The following NELL2 variants were observed in gnomAD, a reference collection of about 807,000 sequenced individuals.
The protein encoded by NELL2 is neural EGFL like 2, also known as protein kinase C-binding protein NELL2.
Under a neutral mutation model 109.6 loss-of-function variants are expected in NELL2, and 41 were observed. The ratio of observed to expected loss-of-function variants is 0.37; its 90% confidence interval spans 0.29 to 0.49. The LOEUF is 0.49. Among genes scored for constraint, NELL2 ranks in the 20% least tolerant of loss-of-function variants. The probability of loss-of-function intolerance (pLI) is 0.98; values close to 1 mark genes in which losing one functional copy is unlikely to be tolerated. For synonymous variants in NELL2, 355 were observed against 344.7 expected, an observed-to-expected ratio of 1.03 and a Z score of -0.33; for missense variants, 900 against 1,008.3, an observed-to-expected ratio of 0.89 and a Z score of 1.45.
At chr12:44,568,758 C>T (rs923809685) in intron 15 of NELL2, among the ~76,000 whole-genome samples, 1 of 151,844 alleles carries the variant, frequency 6.6e-6, no homozygotes, top group Admixed American at 6.6e-5. Context: ...ATATACATTA[C>T]ACATATACAT....
chr12:44,632,119 A>T (rs946958853), intron 13 of NELL2, among the ~76,000 whole-genome samples: 33 of 152,238 alleles, frequency 2.2e-4, no homozygotes, highest in African/African-American at 7.9e-4. Flanking sequence ...ACTAAAATTC[A>T]TTATCCATTC....
chr12:44,592,494 G>C (rs917972801), intron 15 of NELL2, among the ~76,000 whole-genome samples: 1 of 152,122 alleles, frequency 6.6e-6, no homozygotes, highest in Non-Finnish European at 1.5e-5. Flanking sequence ...TAGTTAGGTA[G>C]ATAGACAGAC....
intron 13 of NELL2, among the ~76,000 whole-genome samples, chr12:44,620,203 A>G (rs17650849): frequency 0.068 from 10,312 of 151,878 alleles, 498 homozygotes; most frequent in Non-Finnish European, 0.1. Context: ...TAGGAAACAA[A>G]ATGTACTCTA....
chr12:44,750,797 A>G (rs1781720409), intron 9 of NELL2, among the ~76,000 whole-genome samples: 1 of 152,142 alleles, frequency 6.6e-6, no homozygotes, highest in Non-Finnish European at 1.5e-5. Flanking sequence ...TTAAATGGAA[A>G]AATGAAGATA....
Position 44,564,467 on chromosome 12 carries a change from C to A in NELL2, c.1664-31746G>T, listed in dbSNP as rs1217158608. ...ATATAGTATCCTCAAGAAAGTGTAG[C>A]ATTTGACTATGAAATCATGCGTGTG... On this transcript the variant is annotated intron_variant, in intron 15 of 19. Coordinates refer to ENST00000429094, the MANE Select transcript of NELL2 (RefSeq NM_001145108.2). Among the ~76,000 whole-genome samples, 5 of 152,248 alleles carry A rather than the reference C, an allele frequency of 3.3e-5. No individual in the cohort carries two copies. The South Asian group carries it at 1.0e-3, about 32-fold the overall frequency.
intron 12 of NELL2, among the ~76,000 whole-genome samples, chr12:44,667,016 C>A (rs185622663): frequency 6.6e-6 from 1 of 152,160 alleles, no homozygotes; most frequent in Non-Finnish European, 1.5e-5. Context: ...ATTTAAATGT[C>A]CCTCCTACAA....
At chr12:44,686,699 T>TG (rs993121175) in intron 12 of NELL2, among the ~76,000 whole-genome samples, 10 of 151,980 alleles carry the variant, frequency 6.6e-5, no homozygotes, top group African/African-American at 2.4e-4. Context: ...CTGCCCCTGC[T>TG]GGGGGGTGCC....
At chr12:44,848,145 A>G (rs1307186080) in intron 2 of NELL2, among the ~76,000 whole-genome samples, 1 of 152,118 alleles carries the variant, frequency 6.6e-6, no homozygotes, top group East Asian at 1.9e-4. Flanking sequence ...ACATCAAAGT[A>G]AACACTGAAG....
rs542369111 is a variant in NELL2, at chr12:44,526,589, C to T, written c.1805-3105G>A. Among the ~76,000 whole-genome samples the T allele has an allele frequency of 4.6e-5, 7 of 151,860 alleles. 1 individual carries two copies. The highest frequency in any genetic ancestry group is 1.3e-4 in the Admixed American group (2 of 15,262). On this transcript the variant is annotated intron_variant, in intron 16 of 19. Coordinates refer to ENST00000429094, the MANE Select transcript of NELL2 (RefSeq NM_001145108.2). ...TTGCTATACACTGCAGCAATGGGGA[C>T]GCATAGAAAGAGACAACAGAGAGAA...
intron 12 of NELL2, among the ~76,000 whole-genome samples, chr12:44,680,075 A>T (rs1184754011): frequency 6.6e-6 from 1 of 152,166 alleles, no homozygotes; most frequent in Non-Finnish European, 1.5e-5. Context: ...ATTATTTTTA[A>T]AAATTAGAAA....
In NELL2 at chr12:44,741,744, C is replaced by T. The variant is rs1010426397; in HGVS notation, c.995-27003G>A. Among the ~76,000 whole-genome samples the T allele has an allele frequency of 9.2e-5, 14 of 152,254 alleles. No homozygotes were observed. In the East Asian group the frequency reaches 1.5e-3, roughly 17 times the overall value. The stretch of plus-strand genomic sequence containing the variant: ...CTGAGATCAAACTGCAAGGTGGCAG[C>T]GAGGCTGGGGGAGGGGCGCCCACCA... On this transcript the variant is annotated intron_variant, in intron 9 of 19. Coordinates refer to ENST00000429094, the MANE Select transcript of NELL2 (RefSeq NM_001145108.2).
chr12:44,584,278 G>C (rs1232985365), intron 15 of NELL2, among the ~76,000 whole-genome samples: 1 of 152,224 alleles, frequency 6.6e-6, no homozygotes, highest in Admixed American at 6.5e-5. Context: ...AAACCCAGCA[G>C]CTATTCACAG....
rs556737982 is a variant in NELL2 at position 44,545,983 on chromosome 12, G to T, written c.1664-13262C>A. Among the ~76,000 whole-genome samples the T allele has an allele frequency of 3.4e-4, 51 of 152,162 alleles. No individual in the cohort carries two copies. In the East Asian group the frequency reaches 9.6e-3, roughly 29 times the overall value. On this transcript the variant is annotated intron_variant, in intron 15 of 19. Coordinates refer to ENST00000429094, the MANE Select transcript of NELL2 (RefSeq NM_001145108.2). ...TATCCAGTAAGAATAAGAGAGTTATGGTGTCTTTGTATAATAGTTTACTGT... is the reference window on the plus strand; with the variant it reads ...TATCCAGTAAGAATAAGAGAGTTATTGTGTCTTTGTATAATAGTTTACTGT...
chr12:44,570,240 C>T (rs1170940844), intron 15 of NELL2, among the ~76,000 whole-genome samples: 1 of 152,172 alleles, frequency 6.6e-6, no homozygotes, highest in Non-Finnish European at 1.5e-5. Context: ...TAAATGTGAG[C>T]AAAAGGAAAT....
At chr12:44,876,454 T>A, upstream of NELL2, 2 of 1,298,260 alleles carry the variant, frequency 1.5e-6, no homozygotes, top group Admixed American at 3.3e-5. Context: ...CACGGTCTCC[T>A]GGATGCCAAA....
intron 3 of NELL2, among the ~76,000 whole-genome samples, chr12:44,788,789 C>G (rs1942273718): frequency 6.6e-6 from 1 of 152,120 alleles, no homozygotes; most frequent in African/African-American, 2.4e-5. Context: ...GCTCACCCAC[C>G]ACCTGGAAAC....
chr12:44,549,741 A>C (rs931913648), intron 15 of NELL2, among the ~76,000 whole-genome samples: 21 of 152,178 alleles, frequency 1.4e-4, no homozygotes, highest in African/African-American at 3.9e-4. Flanking sequence ...AAATTAATTA[A>C]AGTAGATATA....
chr12:44,753,385 T>C (rs988631802), intron 9 of NELL2, among the ~76,000 whole-genome samples: 2 of 152,232 alleles, frequency 1.3e-5, no homozygotes, highest in Non-Finnish European at 2.9e-5. Context: ...ATTTGTTCAA[T>C]TAATGGATGA....
At chr12:44,755,674 A>G (rs540178420) in intron 9 of NELL2, among the ~76,000 whole-genome samples, 21 of 151,998 alleles carry the variant, frequency 1.4e-4, no homozygotes, top group African/African-American at 4.6e-4. Context: ...AACTATTCCC[A>G]CTGCATTTAT....
Sources: allele counts gnomAD v4.1 joint callset (sites outside exome capture counted in the v4.1 genomes callset), GRCh38; gene constraint gnomAD v4.1.1; transcripts MANE v1.5; gene names NCBI Gene and HGNC (gene_info 2026-07-23, HGNC 2026-07-21).